The following FBXO25 variants were observed in gnomAD, a reference collection of about 807,000 sequenced individuals.
FBXO25 encodes the protein F-box protein 25, also known as F-box only protein 25.
FBXO25 carries 45 observed loss-of-function variants against 51.9 expected under a neutral mutation model. The observed-to-expected ratio is 0.87, with a 90% CI of 0.68 to 1.11. The LOEUF (loss-of-function observed/expected upper bound fraction) is 1.11, where lower values mean the gene tolerates loss of function less well. FBXO25 is among the 50% of genes most tolerant of loss of function. The pLI is 0.00. For missense variants in FBXO25, 507 were observed against 428.5 expected (o/e 1.18, Z -1.62); for synonymous variants, 199 against 151.0 (o/e 1.32, Z -2.33).
At chr8:414,378 C>A (rs1455011206) in intron 2 of FBXO25, among the ~76,000 whole-genome samples, 1 of 151,964 alleles carries the variant, frequency 6.6e-6, no homozygotes, top group African/African-American at 2.4e-5. Flanking sequence ...TTGACTATAT[C>A]TAGAAATGTC....
At position 474,084 on chromosome 8, in the gene FBXO25, G is replaced by C. The variant is rs1436967281; in HGVS notation, c.*5280G>C. ...ACTTTTGTCATCTTGTAAAACTGAA[G>C]CTCTGTACCCATTAAGCACCAACTC... On this transcript the variant is annotated 3_prime_UTR_variant, in exon 10 of 10. Transcript: ENST00000350302. 2 of 153,270 alleles carry C rather than the reference G, an allele frequency of 1.3e-5. No individual in the cohort carries two copies. The highest frequency in any genetic ancestry group is 4.8e-5 in the African/African-American group (2 of 41,434). 9.5% of individuals were successfully genotyped at this position (153,270 alleles called of 1,614,324 possible). A position where few individuals can be genotyped will look rare whatever the true frequency, so the allele number is the denominator to read the frequency against.
chr8:462,947 C>A, intron 8 of FBXO25, 60 bp from the exon 9 acceptor site: 1 of 1,538,432 alleles, frequency 6.5e-7, no homozygotes, highest in South Asian at 1.2e-5. Context: ...AGTTTTACAC[C>A]TAATATTATG....
intron 9 of FBXO25, 53 bp downstream of exon 9, chr8:463,203 A>T: frequency 6.4e-7 from 1 of 1,571,314 alleles, no homozygotes; most frequent in Non-Finnish European, 8.7e-7. Context: ...TGGTGAAACA[A>T]ACTAATCACC....
chr8:465,549 C>T (rs1192164948), intron 9 of FBXO25, among the ~76,000 whole-genome samples: 1 of 152,190 alleles, frequency 6.6e-6, no homozygotes, highest in Admixed American at 6.5e-5. Flanking sequence ...CACAGTCCTT[C>T]GCTTCCACAT....
chr8:413,315 C>T lies in FBXO25; in HGVS notation c.134+102C>T, dbSNP rs994947900. The T allele has an allele frequency of 2.2e-6, 3 of 1,360,842 alleles. No individual in the cohort carries two copies. In the Admixed American group the frequency reaches 8.7e-5, roughly 39 times the overall value. The allele number at this position is 1,360,842 out of a possible 1,614,324, so 84.3% of individuals were successfully genotyped here. On this transcript the variant is annotated intron_variant, in intron 2 of 9. Transcript: ENST00000350302. ...AAAGCTCCATAACTTTTGAGACTTG[C>T]CCACCCAGAAGGCTGGTGTGAAGAG...
At position 473,443 on chromosome 8, in the gene FBXO25, G is replaced by C. The variant is rs145159081; in HGVS notation, c.*4639G>C. On this transcript the variant is annotated 3_prime_UTR_variant, in exon 10 of 10. Transcript: ENST00000350302. ...CGCCCTCAGCATCTGTGAGATGAAG[G>C]AGTTGCTCCCCAGGGCACCTGCCCC... The C allele has an allele frequency of 6.6e-6, 1 of 152,436 alleles. No homozygotes were observed. Among genetic ancestry groups the C allele is most frequent in the East Asian group, 1.9e-4 (1 of 5,188 alleles). 9.4% of individuals were successfully genotyped at this position (152,436 alleles called of 1,614,324 possible). A position where few individuals can be genotyped will look rare whatever the true frequency, so the allele number is the denominator to read the frequency against.
At chr8:453,427 C>G (rs1333604845) in intron 7 of FBXO25, among the ~76,000 whole-genome samples, 5 of 152,092 alleles carry the variant, frequency 3.3e-5, no homozygotes, top group Non-Finnish European at 5.9e-5. Flanking sequence ...CGAGGAGGGT[C>G]AGGTTCCCTT....
chr8:474,001 C>T lies in FBXO25; in HGVS notation c.*5197C>T, dbSNP rs763221484. On this transcript the variant is annotated 3_prime_UTR_variant, in exon 10 of 10. Coordinates refer to ENST00000350302, the MANE Select transcript of FBXO25 (RefSeq NM_183420.2). ...GTGTGCAATTTAGTGGCATTAAATA[C>T]ATTCATACTGTGCAACCTTCTCTAC... 1 of 152,186 alleles carries T rather than the reference C, an allele frequency of 6.6e-6. No individual in the cohort carries two copies. Among genetic ancestry groups the T allele is most frequent in the Admixed American group, 6.5e-5 (1 of 15,284 alleles). The allele number at this position is 152,186 out of a possible 1,614,324, so 9.4% of individuals were successfully genotyped here.
At chr8:426,380 C>G (rs1303237399) in intron 2 of FBXO25, among the ~76,000 whole-genome samples, 1 of 152,004 alleles carries the variant, frequency 6.6e-6, no homozygotes, top group Non-Finnish European at 1.5e-5. Context: ...CTATTCTGGA[C>G]CTGTAATCCC....
At chr8:459,747 A>T (rs1563096029) in intron 8 of FBXO25, among the ~76,000 whole-genome samples, 1 of 152,092 alleles carries the variant, frequency 6.6e-6, no homozygotes, top group Non-Finnish European at 1.5e-5. Context: ...GCATATGGAG[A>T]GGACAGGAGG....
At chr8:430,462 G>A (rs1413210821) in intron 2 of FBXO25, among the ~76,000 whole-genome samples, 2 of 151,916 alleles carry the variant, frequency 1.3e-5, no homozygotes, top group South Asian at 2.1e-4. Flanking sequence ...TTTAATAAAA[G>A]TGAATACTGG....
chr8:468,521 C>T (rs553514620), intron 9 of FBXO25, among the ~76,000 whole-genome samples, 194 bp from the exon 10 acceptor site: 1 of 152,192 alleles, frequency 6.6e-6, no homozygotes, highest in African/African-American at 2.4e-5. Flanking sequence ...AGCAGGAGTT[C>T]CATGGGAAAC....
At chr8:429,965 T>G (rs1056414902) in intron 2 of FBXO25, among the ~76,000 whole-genome samples, 1 of 152,182 alleles carries the variant, frequency 6.6e-6, no homozygotes, top group Admixed American at 6.5e-5. Flanking sequence ...ATGGGCAGAG[T>G]TGGTTCCAGC....
intron 5 of FBXO25, among the ~76,000 whole-genome samples, chr8:441,225 A>G (rs1005656301): frequency 2.6e-5 from 4 of 152,238 alleles, no homozygotes; most frequent in African/African-American, 9.6e-5. Context: ...GTCTACAACC[A>G]TCTGATCTTT....
intron 8 of FBXO25, among the ~76,000 whole-genome samples, chr8:460,146 A>ATC (rs1799715458): frequency 6.6e-6 from 1 of 152,150 alleles, no homozygotes; most frequent in Admixed American, 6.5e-5. Context: ...GACACTCCCT[A>ATC]TCACGTGCAG....
At chr8:443,008 A>G (rs1173535311) in intron 5 of FBXO25, among the ~76,000 whole-genome samples, 1 of 152,146 alleles carries the variant, frequency 6.6e-6, no homozygotes, top group Non-Finnish European at 1.5e-5. Flanking sequence ...GATTTGTTAA[A>G]GAAGGTCCAA....
chr8:428,826 G>A (rs545145172), intron 2 of FBXO25, among the ~76,000 whole-genome samples: 237 of 152,278 alleles, frequency 1.6e-3, no homozygotes, highest in South Asian at 2.3e-3. Flanking sequence ...TTATCTCAGC[G>A]TAACGTCCTC....
chr8:457,330 C>T (rs1799508063), intron 7 of FBXO25, among the ~76,000 whole-genome samples: 1 of 152,174 alleles, frequency 6.6e-6, no homozygotes, highest in Admixed American at 6.5e-5. Context: ...CAAACCCAAT[C>T]CAGGGCTGTC....
chr8:467,836 G>T (rs17745485), intron 9 of FBXO25: 190,736 of 1,598,450 alleles, frequency 0.12, 12,071 homozygotes, highest in Middle Eastern at 0.19. Flanking sequence ...GCCACTGCCC[G>T]GCTCGATTCC....
Sources: gnomAD v4.1 joint callset for allele counts (sites outside exome capture counted in the v4.1 genomes callset) on GRCh38, gnomAD v4.1.1 for gene constraint, MANE v1.5 for transcripts, NCBI Gene and HGNC (gene_info 2026-07-23, HGNC 2026-07-21) for gene names.